The following RNF38 variants were observed in gnomAD, a reference collection of about 807,000 sequenced individuals.
The protein encoded by RNF38 is E3 ubiquitin-protein ligase RNF38.
In RNF38, 15 loss-of-function variants were observed where a neutral mutation model predicts 67.2. The ratio of observed to expected loss-of-function variants is 0.22; its 90% CI spans 0.15 to 0.34. The LOEUF (loss-of-function observed/expected upper bound fraction) is 0.34, where lower values mean the gene tolerates loss of function less well. Ranked by LOEUF, RNF38 falls within the 10% of genes least tolerant of loss-of-function variation. RNF38 has a pLI of 1.00. For synonymous variants in RNF38, 220 were observed against 218.8 expected, an observed-to-expected ratio of 1.01 and a Z score of -0.05; for missense variants, 524 against 639.9, an observed-to-expected ratio of 0.82 and a Z score of 1.95.
At chr9:36,383,848 T>G (rs560383601) in intron 2 of RNF38, among the ~76,000 whole-genome samples, 1 of 152,230 alleles carries the variant, frequency 6.6e-6, no homozygotes, top group African/African-American at 2.4e-5. Flanking sequence ...AAATAACAGT[T>G]TGATATGCAG....
intron 11 of RNF38, among the ~76,000 whole-genome samples, chr9:36,341,329 A>C (rs1283975766): frequency 6.6e-6 from 1 of 152,208 alleles, no homozygotes; most frequent in Non-Finnish European, 1.5e-5. Flanking sequence ...GTTTGGGCTA[A>C]ACTAGATCTC....
At chr9:36,346,421 C>T (rs992414360) in intron 9 of RNF38, among the ~76,000 whole-genome samples, 19 of 152,138 alleles carry the variant, frequency 1.2e-4, no homozygotes, top group African/African-American at 3.9e-4. Flanking sequence ...AAACTCCTGA[C>T]ATCAAGTGAT....
chr9:36,449,460 G>A (rs186759978), intron 1 of RNF38, among the ~76,000 whole-genome samples: 1 of 151,554 alleles, frequency 6.6e-6, no homozygotes, highest in Non-Finnish European at 1.5e-5. Context: ...TTTTGAGATG[G>A]AGCATCACTC....
chr9:36,487,216 C>T (rs1840438713), intron 1 of RNF38: 2 of 807,180 alleles, frequency 2.5e-6, no homozygotes, highest in Non-Finnish European at 1.5e-6. Context: ...TCCCCGTCGG[C>T]GGGGCCGGGC....
intron 10 of RNF38, among the ~76,000 whole-genome samples, chr9:36,344,529 C>A (rs1022012432): frequency 2.6e-5 from 4 of 152,162 alleles, no homozygotes; most frequent in African/African-American, 9.7e-5. Flanking sequence ...ACAGCCCTAA[C>A]AGAACTTTCT....
chr9:36,414,116 C>T (rs114781497), intron 2 of RNF38, among the ~76,000 whole-genome samples: 6,326 of 152,024 alleles, frequency 0.042, 233 homozygotes, highest in East Asian at 0.12. Context: ...ACTCCTTTAC[C>T]TTATGTTTAT....
intron 1 of RNF38, among the ~76,000 whole-genome samples, chr9:36,469,923 G>A (rs1206152071): frequency 6.6e-6 from 1 of 152,166 alleles, no homozygotes; most frequent in Non-Finnish European, 1.5e-5. Flanking sequence ...AGACTGCAGT[G>A]AGCCAGGATC....
At chr9:36,435,704 C>T (rs930405307) in intron 1 of RNF38, among the ~76,000 whole-genome samples, 4 of 151,408 alleles carry the variant, frequency 2.6e-5, no homozygotes, top group Admixed American at 6.6e-5. Flanking sequence ...ATCTCGGCTC[C>T]CTGCAAGCTC....
At chr9:36,343,934 G>A (rs907898973) in intron 10 of RNF38, among the ~76,000 whole-genome samples, 2 of 152,188 alleles carry the variant, frequency 1.3e-5, no homozygotes, top group Non-Finnish European at 2.9e-5. Flanking sequence ...GTTTTAGGGT[G>A]ATGCAATGGG....
intron 1 of RNF38, among the ~76,000 whole-genome samples, chr9:36,473,394 C>T (rs990090116): frequency 2.6e-5 from 4 of 152,066 alleles, no homozygotes; most frequent in Admixed American, 6.5e-5. Context: ...TCAAGACCAG[C>T]CTGGCTAACA....
chr9:36,364,943 T>C (rs1330605368), intron 4 of RNF38, among the ~76,000 whole-genome samples: 1 of 152,204 alleles, frequency 6.6e-6, no homozygotes, highest in Non-Finnish European at 1.5e-5. Flanking sequence ...GGGCCAATTA[T>C]TTCTTAAAGA....
At chr9:36,474,130 G>A (rs1238920689) in intron 1 of RNF38, among the ~76,000 whole-genome samples, 4 of 151,546 alleles carry the variant, frequency 2.6e-5, no homozygotes, top group East Asian at 3.9e-4. Flanking sequence ...TGGCTAACAC[G>A]GTGAAACCCC....
chr9:36,342,015 G>A (rs1587453689), intron 11 of RNF38, among the ~76,000 whole-genome samples: 1 of 152,026 alleles, frequency 6.6e-6, no homozygotes, highest in South Asian at 2.1e-4. Flanking sequence ...TCTGAAAATA[G>A]AGCTATAATT....
chr9:36,350,101 G>T (rs1312863000), intron 9 of RNF38, among the ~76,000 whole-genome samples: 1 of 152,194 alleles, frequency 6.6e-6, no homozygotes, highest in Non-Finnish European at 1.5e-5. Context: ...TACAGGGTGA[G>T]CCACTGCGCT....
intron 1 of RNF38, among the ~76,000 whole-genome samples, chr9:36,445,947 C>G (rs1216724011): frequency 6.6e-6 from 1 of 152,198 alleles, no homozygotes; most frequent in Non-Finnish European, 1.5e-5. Flanking sequence ...CAGTGTAGCA[C>G]TTAGTCCCTG....
intron 3 of RNF38, among the ~76,000 whole-genome samples, chr9:36,370,468 T>C (rs1039865644): frequency 1.3e-4 from 20 of 152,142 alleles, no homozygotes; most frequent in Middle Eastern, 6.8e-3. Context: ...CAACCGCAAA[T>C]AGAAACTGGG....
intron 4 of RNF38, among the ~76,000 whole-genome samples, chr9:36,361,051 A>G (rs1287521523): frequency 6.6e-6 from 1 of 151,994 alleles, no homozygotes; most frequent in Non-Finnish European, 1.5e-5. Context: ...TTTTGAGCTC[A>G]TGTGATCTGC....
chr9:36,351,571 C>T (rs1237212052), intron 8 of RNF38, among the ~76,000 whole-genome samples: 1 of 152,008 alleles, frequency 6.6e-6, no homozygotes, highest in Non-Finnish European at 1.5e-5. Context: ...TAAACTGAAA[C>T]ATTTTAAGAC....
chr9:36,485,866 T>C (rs561354501), intron 1 of RNF38, among the ~76,000 whole-genome samples: 1 of 152,166 alleles, frequency 6.6e-6, no homozygotes, highest in Admixed American at 6.5e-5. Context: ...GTCTGCATCC[T>C]TAGAACAAGA....
Sources: gnomAD v4.1 joint callset for allele counts (sites outside exome capture counted in the v4.1 genomes callset) on GRCh38, gnomAD v4.1.1 for gene constraint, MANE v1.5 for transcripts, NCBI Gene and HGNC (gene_info 2026-07-23, HGNC 2026-07-21) for gene names.